The following ZNF707 variants were observed in gnomAD, a reference collection of about 807,000 sequenced individuals.
ZNF707 encodes the protein zinc finger protein 707.
A neutral mutation model predicts 13.3 loss-of-function variants in ZNF707; 8 were observed. That is an observed-to-expected ratio of 0.60 (90% confidence interval 0.35 to 1.09). The LOEUF is 1.09. ZNF707 is among the 50% of genes least tolerant of loss of function. The pLI, the probability that ZNF707 is intolerant of heterozygous loss-of-function variation, is 0.02. For synonymous variants in ZNF707, 225 were observed against 205.6 expected, an observed-to-expected ratio of 1.09 and a Z score of -0.81; for missense variants, 530 against 512.6, an observed-to-expected ratio of 1.03 and a Z score of -0.33.
In ZNF707 at chr8:143,694,336, A is replaced by G; in HGVS notation, c.922A>G (p.Arg308Gly). 4 of 1,606,562 alleles carry G rather than the reference A, an allele frequency of 2.5e-6. No individual in the cohort carries two copies. The highest frequency in any genetic ancestry group is 3.4e-6 in the Non-Finnish European group (4 of 1,175,380). The change falls in exon 6 of 6, where the codon AGG becomes GGG. Residue 308 changes from arginine to glycine, a missense_variant. By Grantham distance (125) the Arg-to-Gly change is moderately radical. Transcript: ENST00000358656. The surrounding 1 kb of genome is among the most constrained non-coding windows in gnomAD (Gnocchi z 4.4). ...RTKENLSHHQRVHSGEKPYTC... is the reference protein window; with the variant it reads ...RTKENLSHHQGVHSGEKPYTC... ...CAAGGAGAACCTCAGCCACCACCAGAGGGTCCACAGCGGGGAGAAGCCCTA... is the reference window on the plus strand; with the variant it reads ...CAAGGAGAACCTCAGCCACCACCAGGGGGTCCACAGCGGGGAGAAGCCCTA...
intron 5 of ZNF707, chr8:143,691,992 T>C: frequency 6.9e-7 from 1 of 1,450,192 alleles, no homozygotes; most frequent in Non-Finnish European, 9.2e-7. Flanking sequence ...ACTTGAAGCC[T>C]GCACCTAGCC....
At position 143,694,673 on chromosome 8, in the gene ZNF707, C is replaced by T. The variant is rs1395238324; in HGVS notation, c.*143C>T. 6.1e-6 allele frequency: 6 copies of T among 980,612 alleles called. No individual in the cohort carries two copies. The highest frequency in any genetic ancestry group is 1.6e-5 in the African/African-American group (1 of 61,200). 60.7% of individuals were successfully genotyped at this position (980,612 alleles called of 1,614,324 possible). A position where few individuals can be genotyped will look rare whatever the true frequency, so the allele number is the denominator to read the frequency against. ...TAGTCCTCAGAGCTCCCCAGTCCCC[C>T]GAGAAGTTTACTGGGAAAACTGCCA... On this transcript the variant is annotated 3_prime_UTR_variant, in exon 6 of 6. Transcript: ENST00000358656. The surrounding 1 kb of genome is among the most constrained non-coding windows in gnomAD (Gnocchi z 4.4).
chr8:143,692,846 C>T (rs113255533), intron 5 of ZNF707, among the ~76,000 whole-genome samples: 10 of 131,014 alleles, frequency 7.6e-5, no homozygotes, highest in Admixed American at 5.2e-4. Context: ...GTCGCATCCC[C>T]GGGTGTGTGG....
intron 4 of ZNF707, 171 bp downstream of exon 4, chr8:143,691,370 C>T (rs1476350977): frequency 3.2e-6 from 4 of 1,260,148 alleles, no homozygotes; most frequent in East Asian, 2.6e-5. Flanking sequence ...GCGTTTCTCT[C>T]GGGCTCCCTG....
At chr8:143,691,347 A>G (rs1396799446) in intron 4 of ZNF707, 148 bp downstream of exon 4, 5 of 1,348,240 alleles carry the variant, frequency 3.7e-6, no homozygotes, top group Non-Finnish European at 4.9e-6. Flanking sequence ...ATGTAGACAG[A>G]GGGGCCCACT....
At position 143,694,197 on chromosome 8, in the gene ZNF707, G is replaced by C. The variant is rs372770709; in HGVS notation, c.783G>C (p.Ser261=). 182 of 1,575,340 alleles carry C rather than the reference G, an allele frequency of 1.2e-4. 1 individual carries two copies. The Middle Eastern group carries it at 3.4e-3, about 29-fold the overall frequency. Residue 261 remains serine (S), a synonymous_variant, in exon 6 of 6, where the codon TCG becomes TCC. Transcript: ENST00000358656. The surrounding 1 kb of genome is among the most constrained non-coding windows in gnomAD (Gnocchi z 4.4). ...RKVHTEHRPY[S]CGDCGKAFKQ... ...TCCACACCGAGCACAGGCCCTACTCGTGTGGCGACTGTGGGAAAGCCTTCA... is the reference window on the plus strand; with the variant it reads ...TCCACACCGAGCACAGGCCCTACTCCTGTGGCGACTGTGGGAAAGCCTTCA...
intron 4 of ZNF707, 41 bp downstream of exon 4, chr8:143,691,240 C>G (rs781833413): frequency 6.4e-7 from 1 of 1,572,658 alleles, no homozygotes; most frequent in African/African-American, 1.3e-5. Flanking sequence ...AGGGTGAGTG[C>G]TGGGAGAGCT....
In ZNF707 at chr8:143,693,480, A is replaced by G. The variant is rs11997772; in HGVS notation, c.257-191A>G. Among the ~76,000 whole-genome samples, 6,811 of 149,380 alleles carry G rather than the reference A, an allele frequency of 0.046. 259 individuals carry two copies. Among genetic ancestry groups the G allele is most frequent in the African/African-American group, 0.11 (4,375 of 40,440 alleles). ...TTTTTTGTATTTTTTTTTTTTTAGT[A>G]GAGACGGGGTTTCACCTTGTTAGCC... On this transcript the variant is annotated intron_variant, in intron 5 of 5. Transcript: ENST00000358656. The surrounding 1 kb of genome is among the most constrained non-coding windows in gnomAD (Gnocchi z 4.1).
At position 143,693,818 on chromosome 8, in the gene ZNF707, G is replaced by C; in HGVS notation, c.404G>C (p.Arg135Thr). 1 of 1,612,762 alleles carries C rather than the reference G, an allele frequency of 6.2e-7. No individual in the cohort carries two copies. Among genetic ancestry groups the C allele is most frequent in the Non-Finnish European group, 8.5e-7 (1 of 1,179,836 alleles). ...RLDTDDGQLP[R>T]AAPERTDAKP... Reference sequence around the variant, plus strand: ...GACACGGATGACGGGCAGCTTCCCAGAGCTGCTCCAGAAAGGACAGACGCC... The same window carrying C: ...GACACGGATGACGGGCAGCTTCCCACAGCTGCTCCAGAAAGGACAGACGCC... The change falls in exon 6 of 6, where the codon AGA becomes ACA. Residue 135 changes from arginine (R) to threonine (T), a missense_variant. Physicochemically the swap from Arg to Thr is moderately conservative, Grantham distance 71. Transcript: ENST00000358656. The surrounding 1 kb of genome is among the most constrained non-coding windows in gnomAD (Gnocchi z 4.1).
rs1817173236 is a variant in ZNF707 at position 143,694,584 on chromosome 8, G to GA, written c.*55dup. 8 of 1,497,036 alleles carry GA rather than the reference G, an allele frequency of 5.3e-6. 1 individual carries two copies. In the South Asian group the frequency reaches 1.1e-4, roughly 20 times the overall value. The allele number at this position is 1,497,036 out of a possible 1,614,324, so 92.7% of individuals were successfully genotyped here. ...TCTGCGGGAGTACTGGGTCCTGAGG[G>GA]AGAGCTGCAGTGAGAAGTTGCTCTT... is the stretch of plus-strand genomic sequence containing the variant. On this transcript the variant is annotated 3_prime_UTR_variant, in exon 6 of 6. Coordinates refer to ENST00000358656, the MANE Select transcript of ZNF707 (RefSeq NM_001100598.2). The surrounding 1 kb of genome is among the most constrained non-coding windows in gnomAD (Gnocchi z 4.4).
chr8:143,688,539 C>G, intron 1 of ZNF707: 1 of 151,118 alleles, frequency 6.6e-6, no homozygotes, highest in South Asian at 2.1e-4. Flanking sequence ...TTGGTCATGA[C>G]AGAGAATTCT....
intron 2 of ZNF707, 97 bp from the exon 3 acceptor site, chr8:143,689,960 A>G: frequency 1.0e-6 from 1 of 952,564 alleles, no homozygotes; most frequent in Non-Finnish European, 1.6e-6. Flanking sequence ...ATTTTTCCTG[A>G]ATTCCCCGTG....
Position 143,690,121 on chromosome 8 carries a change from C to G in ZNF707, c.13C>G (p.Gln5Glu). 1.2e-6 allele frequency: 2 copies of G among 1,607,192 alleles called. No homozygotes were observed. Among genetic ancestry groups the G allele is most frequent in the South Asian group, 1.1e-5 (1 of 91,082 alleles). Residue 5 changes from glutamine (Q) to glutamate (E), a missense_variant and splice_region_variant, in exon 3 of 6, where the codon CAG becomes GAG. Transcript: ENST00000358656. ...CCTCGCTGTTCCCATGGACATGGCC[C>G]AGGTGAGCCCTGCTGCTGCCGAGCG... MDMAQEPVTFRDVAI... is the reference protein window; with the variant it reads MDMAEEPVTFRDVAI...
At chr8:143,687,285 A>C (rs1554612374) in intron 1 of ZNF707, 1 of 152,324 alleles carries the variant, frequency 6.6e-6, no homozygotes, top group East Asian at 1.9e-4. Flanking sequence ...CAGTGGCACA[A>C]TCTTGGCTCA....
At chr8:143,686,344 T>A (rs1405622317) in intron 1 of ZNF707, among the ~76,000 whole-genome samples, 1 of 152,096 alleles carries the variant, frequency 6.6e-6, no homozygotes. Context: ...AGTGCTGGGA[T>A]TACAGGCGTG....
rs1386859381 is a variant in ZNF707, at chr8:143,694,662, C to T, written c.*132C>T. 1 of 1,043,748 alleles carries T rather than the reference C, an allele frequency of 9.6e-7. No individual in the cohort carries two copies. Among genetic ancestry groups the T allele is most frequent in the Non-Finnish European group, 1.3e-6 (1 of 748,118 alleles). The allele number at this position is 1,043,748 out of a possible 1,614,324, so 64.7% of individuals were successfully genotyped here. ...AGAAGCCTTCTTAGTCCTCAGAGCT[C>T]CCCAGTCCCCCGAGAAGTTTACTGG... On this transcript the variant is annotated 3_prime_UTR_variant, in exon 6 of 6. Coordinates refer to ENST00000358656, the MANE Select transcript of ZNF707 (RefSeq NM_001100598.2). The surrounding 1 kb of genome is among the most constrained non-coding windows in gnomAD (Gnocchi z 4.4).
chr8:143,694,815 A>C lies in ZNF707; in HGVS notation c.*285A>C, dbSNP rs1817197488. The C allele has an allele frequency of 5.6e-6, 2 of 358,680 alleles. No individual in the cohort carries two copies. The highest frequency in any genetic ancestry group is 8.9e-5 in the Admixed American group (2 of 22,494). The allele number at this position is 358,680 out of a possible 1,614,324, so 22.2% of individuals were successfully genotyped here. A position where few individuals can be genotyped will look rare whatever the true frequency, so the allele number is the denominator to read the frequency against. The stretch of plus-strand genomic sequence containing the variant: ...GTGCTGAGAGTGTGCGCGACCCCGG[A>C]GCCACGTGCCAGGCCGGGCTCAGAG... On this transcript the variant is annotated 3_prime_UTR_variant, in exon 6 of 6. Coordinates refer to ENST00000358656, the MANE Select transcript of ZNF707 (RefSeq NM_001100598.2). The surrounding 1 kb of genome is among the most constrained non-coding windows in gnomAD (Gnocchi z 4.4).
At chr8:143,692,346 G>A (rs1554613891) in intron 5 of ZNF707, 7 of 1,288,822 alleles carry the variant, frequency 5.4e-6, no homozygotes, top group Admixed American at 4.6e-5. Flanking sequence ...TGGAGCCCCC[G>A]ACTGTGGAGT....
At chr8:143,691,956 T>C (rs1554613766) in intron 5 of ZNF707, 1 of 1,344,508 alleles carries the variant, frequency 7.4e-7, no homozygotes, top group South Asian at 1.3e-5. Context: ...CAGCTGCAGC[T>C]CGGAGGGGCC....
Sources: gnomAD v4.1 joint callset for allele counts (sites outside exome capture counted in the v4.1 genomes callset) on GRCh38, gnomAD v4.1.1 for gene constraint, Gnocchi (gnomAD v3.1) non-coding constraint, MANE v1.5 for transcripts, NCBI Gene and HGNC (gene_info 2026-07-23, HGNC 2026-07-21) for gene names.